The following SLC2A9 variants were observed in gnomAD, a reference collection of about 807,000 sequenced individuals.
The protein encoded by SLC2A9 is solute carrier family 2, facilitated glucose transporter member 9.
In SLC2A9, 39 loss-of-function variants were observed where a neutral mutation model predicts 50.6. The observed-to-expected ratio is 0.77, with a 90% CI of 0.60 to 1.01. The LOEUF (loss-of-function observed/expected upper bound fraction) is 1.01. Among genes scored for constraint, SLC2A9 ranks in the 50% least tolerant of loss-of-function variants. SLC2A9 has a pLI of 0.00. For missense variants in SLC2A9, 686 were observed against 677.6 expected, an observed-to-expected ratio of 1.01 and a Z score of -0.14; for synonymous variants, 324 against 276.9, an observed-to-expected ratio of 1.17 and a Z score of -1.69.
intron 2 of SLC2A9, among the ~76,000 whole-genome samples, chr4:10,016,968 C>T (rs1405183089): frequency 1.3e-5 from 2 of 152,100 alleles, no homozygotes; most frequent in Non-Finnish European, 1.5e-5. Flanking sequence ...GGTACTGGCA[C>T]ATCACACGCT....
chr4:9,846,532 G>A (rs546671465), intron 10 of SLC2A9, among the ~76,000 whole-genome samples: 1 of 152,302 alleles, frequency 6.6e-6, no homozygotes, highest in Admixed American at 6.5e-5. Flanking sequence ...GGGCTCCTCT[G>A]GCTCTGCTGA....
At chr4:9,886,424 CTGTGTG>C (rs59081583) in intron 10 of SLC2A9, among the ~76,000 whole-genome samples, 7,901 of 135,518 alleles carry the variant, frequency 0.058, 275 homozygotes, top group Non-Finnish European at 0.066. Flanking sequence ...CCTCATAGCA[CTGTGTG>C]TGTGTGTGTG....
At chr4:9,982,869 AT>A (rs1199905128) in intron 4 of SLC2A9, among the ~76,000 whole-genome samples, 1 of 152,190 alleles carries the variant, frequency 6.6e-6, no homozygotes, top group Non-Finnish European at 1.5e-5. Context: ...TTATTTATTT[AT>A]TTATGTATTT....
At chr4:9,896,211 C>T (rs1456422065) in intron 8 of SLC2A9, among the ~76,000 whole-genome samples, 3 of 152,180 alleles carry the variant, frequency 2.0e-5, no homozygotes, top group Non-Finnish European at 2.9e-5. Flanking sequence ...ATTTTATGTT[C>T]CCACCAGCAG....
intron 5 of SLC2A9, among the ~76,000 whole-genome samples, chr4:9,963,127 A>G (rs1752530494): frequency 6.6e-6 from 1 of 152,218 alleles, no homozygotes; most frequent in African/African-American, 2.4e-5. Flanking sequence ...GAAGGAGCAA[A>G]GTCACATGTT....
At chr4:9,848,330 G>T in intron 10 of SLC2A9, among the ~76,000 whole-genome samples, 1 of 150,486 alleles carries the variant, frequency 6.6e-6, no homozygotes, top group Admixed American at 6.6e-5. Context: ...CAAGCCTGTG[G>T]TCTCACCACA....
chr4:9,798,215 G>A (rs1056661146), downstream of SLC2A9, among the ~76,000 whole-genome samples: 1 of 152,188 alleles, frequency 6.6e-6, no homozygotes, highest in Non-Finnish European at 1.5e-5. Context: ...GTGATGGAAT[G>A]CCATTGTCTT....
chr4:9,981,978 T>C (rs1035566724), intron 4 of SLC2A9, among the ~76,000 whole-genome samples: 1 of 151,872 alleles, frequency 6.6e-6, no homozygotes, highest in Admixed American at 6.6e-5. Context: ...ACCTCCCGGG[T>C]TCAAGTGATT....
chr4:9,975,850 T>C (rs1754703653), intron 5 of SLC2A9, among the ~76,000 whole-genome samples: 1 of 152,226 alleles, frequency 6.6e-6, no homozygotes, highest in Non-Finnish European at 1.5e-5. Context: ...TTAACTTAAG[T>C]GTCCATCAAT....
At chr4:9,794,532 C>T (rs1720355430), downstream of SLC2A9, among the ~76,000 whole-genome samples, 1 of 152,242 alleles carries the variant, frequency 6.6e-6, no homozygotes, top group South Asian at 2.1e-4. Flanking sequence ...GCTCAGAGAA[C>T]TCAAGCTCCT....
chr4:9,879,755 A>G (rs1734894801), intron 10 of SLC2A9: 20 of 985,420 alleles, frequency 2.0e-5, no homozygotes, highest in Non-Finnish European at 2.4e-5. Flanking sequence ...TCAGGGCTTC[A>G]TGTGATTTTT....
At chr4:9,888,048 T>C (rs933067051) in intron 9 of SLC2A9, among the ~76,000 whole-genome samples, 4 of 137,132 alleles carry the variant, frequency 2.9e-5, no homozygotes, top group Non-Finnish European at 6.0e-5. Flanking sequence ...GTCTCACTCA[T>C]AAGTGGGAGT....
At chr4:9,862,421 C>G (rs557938878) in intron 10 of SLC2A9, among the ~76,000 whole-genome samples, 6 of 152,214 alleles carry the variant, frequency 3.9e-5, no homozygotes, top group African/African-American at 1.4e-4. Context: ...GAGCACTACT[C>G]ATTCCCTGGG....
chr4:9,812,641 G>A (rs1183572249), intron 3 of SLC2A9, among the ~76,000 whole-genome samples: 2 of 152,102 alleles, frequency 1.3e-5, no homozygotes, highest in African/African-American at 4.8e-5. Flanking sequence ...AAATGCGTAG[G>A]TAGCTGAGAA....
intron 5 of SLC2A9, among the ~76,000 whole-genome samples, chr4:9,958,397 A>G (rs1751672514): frequency 6.6e-6 from 1 of 152,218 alleles, no homozygotes; most frequent in African/African-American, 2.4e-5. Context: ...AAGGAACAGA[A>G]AACCAAACAC....
At chr4:9,887,920 T>C (rs547183458) in intron 9 of SLC2A9, among the ~76,000 whole-genome samples, 1 of 152,312 alleles carries the variant, frequency 6.6e-6, no homozygotes, top group African/African-American at 2.4e-5. Flanking sequence ...ATAACTCACA[T>C]TGATTGAGGG....
intron 11 of SLC2A9, among the ~76,000 whole-genome samples, chr4:9,827,138 A>C (rs1184481623): frequency 6.6e-6 from 1 of 152,220 alleles, no homozygotes; most frequent in Non-Finnish European, 1.5e-5. Context: ...AAAAATAGAA[A>C]TGCTCAATGC....
rs185047437 is a variant in SLC2A9, at chr4:9,922,074, A to G, written c.815-1502T>C. Among the ~76,000 whole-genome samples the G allele has an allele frequency of 7.9e-5, 12 of 152,346 alleles. No homozygotes were observed. The East Asian group carries it at 2.3e-3, about 29-fold the overall frequency. ...CTCCATCCATGTCCCTGCAAAGGAT[A>G]TGATGTCATTCCTTTTTATGGATTC... On this transcript the variant is annotated intron_variant, in intron 6 of 11. Transcript: ENST00000264784.
At chr4:9,972,445 G>A (rs1323375872) in intron 5 of SLC2A9, among the ~76,000 whole-genome samples, 1 of 152,154 alleles carries the variant, frequency 6.6e-6, no homozygotes, top group Non-Finnish European at 1.5e-5. Flanking sequence ...ATGTATCTTT[G>A]ATTAAATTCA....
Sources: gnomAD v4.1 joint callset for allele counts (sites outside exome capture counted in the v4.1 genomes callset) on GRCh38, gnomAD v4.1.1 for gene constraint, MANE v1.5 for transcripts, NCBI Gene and HGNC (gene_info 2026-07-23, HGNC 2026-07-21) for gene names.